The following GRIA1 variants were observed in gnomAD, a reference collection of about 807,000 sequenced individuals.
GRIA1 encodes glutamate receptor 1.
Under a neutral mutation model 99.2 loss-of-function variants are expected in GRIA1, and 31 were observed. The observed-to-expected ratio is 0.31, with a 90% CI of 0.23 to 0.42. The LOEUF (loss-of-function observed/expected upper bound fraction) is 0.42. GRIA1 is among the 10% of genes least tolerant of loss of function. The pLI, the probability that GRIA1 is intolerant of heterozygous loss-of-function variation, is 1.00. For missense variants in GRIA1, 782 were observed against 1,157.5 expected (o/e 0.68, Z 4.71); for synonymous variants, 438 against 432.4 (o/e 1.01, Z -0.16).
chr5:153,646,417 C>T (rs373575825), intron 2 of GRIA1, among the ~76,000 whole-genome samples: 4 of 152,096 alleles, frequency 2.6e-5, no homozygotes, highest in African/African-American at 7.2e-5. Context: ...AGGGGAAGAT[C>T]GTTAGATTAA....
In GRIA1 at chr5:153,794,699, C is replaced by T; in HGVS notation, c.2349C>T (p.Asp783=). 1.2e-6 allele frequency: 2 copies of T among 1,613,252 alleles called. No homozygotes were observed. The highest frequency in any genetic ancestry group is 8.5e-7 in the Non-Finnish European group (1 of 1,179,588). Residue 783 remains aspartate, a synonymous_variant, in exon 14 of 16, where the codon GAC becomes GAT. Transcript: ENST00000285900. ...LDKLKNKWWY[D]KGECGSGGGD... ...AATTGAAAAACAAATGGTGGTACGA[C>T]AAGGGCGAGTGCGGCAGCGGGGGAG...
At chr5:153,628,006 T>C (rs1259601009) in intron 2 of GRIA1, among the ~76,000 whole-genome samples, 1 of 152,234 alleles carries the variant, frequency 6.6e-6, no homozygotes, top group East Asian at 1.9e-4. Flanking sequence ...CTAGCATTGA[T>C]GCAAGATGCT....
At chr5:153,519,956 A>T (rs1756985961) in intron 2 of GRIA1, among the ~76,000 whole-genome samples, 1 of 152,122 alleles carries the variant, frequency 6.6e-6, no homozygotes, top group Non-Finnish European at 1.5e-5. Flanking sequence ...GAGTGAAAGG[A>T]TTGTTAATCT....
At chr5:153,805,106 T>C (rs986918519) in intron 15 of GRIA1, among the ~76,000 whole-genome samples, 2 of 146,222 alleles carry the variant, frequency 1.4e-5, no homozygotes, top group Admixed American at 6.9e-5. Context: ...CCTCATAACA[T>C]TGTTGTAAGG....
At chr5:153,805,411 C>T (rs1175717503) in intron 15 of GRIA1, among the ~76,000 whole-genome samples, 1 of 152,168 alleles carries the variant, frequency 6.6e-6, no homozygotes, top group African/African-American at 2.4e-5. Context: ...AAATCTCTTA[C>T]AGGATGAGGC....
At chr5:153,787,923 A>G (rs1765069354) in intron 13 of GRIA1, among the ~76,000 whole-genome samples, 1 of 152,100 alleles carries the variant, frequency 6.6e-6, no homozygotes, top group East Asian at 1.9e-4. Flanking sequence ...TACTAAAAAT[A>G]CAAAAAATTA....
intron 2 of GRIA1, among the ~76,000 whole-genome samples, chr5:153,559,801 A>G (rs747424725): frequency 1.1e-4 from 17 of 152,160 alleles, no homozygotes; most frequent in Non-Finnish European, 1.8e-4. Context: ...TACATGGTAC[A>G]TGACTATATT....
chr5:153,490,625 C>A, upstream of GRIA1: 1 of 517,976 alleles, frequency 1.9e-6, no homozygotes, highest in Non-Finnish European at 3.5e-6. Context: ...AGTGGGGGAG[C>A]CAGCGCTCCA....
intron 7 of GRIA1, among the ~76,000 whole-genome samples, chr5:153,679,246 T>C (rs1473478426): frequency 6.6e-6 from 1 of 152,086 alleles, no homozygotes; most frequent in Non-Finnish European, 1.5e-5. Flanking sequence ...GCAGTGTCTA[T>C]GGAGAAAAAG....
chr5:153,566,905 C>T (rs376368732), intron 2 of GRIA1, among the ~76,000 whole-genome samples: 41 of 150,374 alleles, frequency 2.7e-4, no homozygotes, highest in East Asian at 1.4e-3. Flanking sequence ...TTGATAGAGA[C>T]GGGGCTTCAC....
At chr5:153,590,688 A>T (rs1240655330) in intron 2 of GRIA1, among the ~76,000 whole-genome samples, 2 of 151,426 alleles carry the variant, frequency 1.3e-5, no homozygotes, top group Non-Finnish European at 3.0e-5. Context: ...ATATTTTCCT[A>T]AAAAAAAATT....
intron 8 of GRIA1, among the ~76,000 whole-genome samples, chr5:153,697,190 C>G (rs1430441718): frequency 6.6e-6 from 1 of 152,212 alleles, no homozygotes; most frequent in Non-Finnish European, 1.5e-5. Context: ...AGATCCCACA[C>G]TTGGCTTTTG....
intron 10 of GRIA1, 132 bp from the exon 11 acceptor site, chr5:153,705,565 A>G: frequency 8.3e-7 from 1 of 1,211,450 alleles, no homozygotes; most frequent in Non-Finnish European, 1.1e-6. Flanking sequence ...TTGGACTTCA[A>G]AGGTTCTTTC....
intron 15 of GRIA1, among the ~76,000 whole-genome samples, chr5:153,809,600 T>C (rs541930708): frequency 4.6e-5 from 7 of 152,358 alleles, no homozygotes; most frequent in African/African-American, 1.7e-4. Flanking sequence ...GAGGAAGTCA[T>C]AGACTTTTTG....
chr5:153,522,599 C>T (rs1028741562), intron 2 of GRIA1, among the ~76,000 whole-genome samples: 1 of 152,106 alleles, frequency 6.6e-6, no homozygotes, highest in African/African-American at 2.4e-5. Flanking sequence ...AGGCATTGCT[C>T]CTCATGCTTC....
chr5:153,542,492 T>C (rs922733874), intron 2 of GRIA1, among the ~76,000 whole-genome samples: 18 of 152,218 alleles, frequency 1.2e-4, no homozygotes, highest in African/African-American at 4.3e-4. Flanking sequence ...TGACAGCAGC[T>C]GATGGCACTT....
chr5:153,492,358 A>G (rs760517136), intron 1 of GRIA1: 3 of 1,474,794 alleles, frequency 2.0e-6, no homozygotes, highest in East Asian at 5.0e-5. Flanking sequence ...TCCTGCCTTC[A>G]GGGGAGACAC....
chr5:153,548,691 G>A (rs1759835288), intron 2 of GRIA1, among the ~76,000 whole-genome samples: 2 of 152,104 alleles, frequency 1.3e-5, no homozygotes, highest in South Asian at 4.1e-4. Context: ...TTTATCATGG[G>A]AAACTATAAA....
intron 2 of GRIA1, among the ~76,000 whole-genome samples, chr5:153,496,378 A>G (rs1309063837): frequency 6.6e-6 from 1 of 152,228 alleles, no homozygotes; most frequent in Non-Finnish European, 1.5e-5. Context: ...GTGTTTCTTC[A>G]AAGCTATAAA....
Sources: gnomAD v4.1 joint callset for allele counts (sites outside exome capture counted in the v4.1 genomes callset) on GRCh38, gnomAD v4.1.1 for gene constraint, MANE v1.5 for transcripts, NCBI Gene and HGNC (gene_info 2026-07-23, HGNC 2026-07-21) for gene names.